The following SETMAR variants were observed in gnomAD, a reference collection of about 807,000 sequenced individuals.
SETMAR encodes SET and mariner transposase domain methyltransferase.
SETMAR carries 44 observed loss-of-function variants against 58.4 expected under a neutral mutation model. That is an observed-to-expected ratio of 0.75 (90% CI 0.59 to 0.97). The LOEUF (loss-of-function observed/expected upper bound fraction) is 0.97, where lower values mean the gene tolerates loss of function less well. SETMAR is among the 50% of genes least tolerant of loss of function. SETMAR has a pLI of 0.00. For missense variants in SETMAR, 903 were observed against 840.2 expected, an observed-to-expected ratio of 1.07 and a Z score of -0.92; for synonymous variants, 332 against 307.4, an observed-to-expected ratio of 1.08 and a Z score of -0.84.
At chr3:4,306,532 C>T (rs1009005102) in intron 1 of SETMAR, among the ~76,000 whole-genome samples, 6 of 152,166 alleles carry the variant, frequency 3.9e-5, no homozygotes, top group Non-Finnish European at 7.3e-5. Flanking sequence ...ATATGCACAG[C>T]TCCCAATAAA....
intron 1 of SETMAR, among the ~76,000 whole-genome samples, chr3:4,310,688 G>T (rs962173004): frequency 4.6e-5 from 7 of 152,040 alleles, no homozygotes; most frequent in African/African-American, 1.4e-4. Flanking sequence ...TTTTAAATTT[G>T]TAAGTAAAAA....
intron 1 of SETMAR, 52 bp downstream of exon 1, chr3:4,303,578 G>A (rs943994385): frequency 7.4e-7 from 1 of 1,346,810 alleles, no homozygotes; most frequent in Non-Finnish European, 9.5e-7. Context: ...TCCCCCACGT[G>A]GTCTCCTCAA....
At chr3:4,312,756 ATCTT>A (rs372515032) in intron 1 of SETMAR, 138 bp from the exon 2 acceptor site, 1 of 796,520 alleles carries the variant, frequency 1.3e-6, no homozygotes, top group South Asian at 4.2e-5. Flanking sequence ...TTTGGACAAT[ATCTT>A]AGTATGCTGT....
rs985551198 is a variant in SETMAR at position 4,316,688 on chromosome 3, GATTTTAT to G, written c.1500_1506del (p.Ile500MetfsTer41). On this transcript the variant is annotated frameshift_variant, in exon 3 of 3. Transcript: ENST00000358065. LOFTEE classifies it high-confidence loss of function. ...GGATTGTGACGTGTGATGAAAAGTGGATTTTATATGACAACCGGCGACGATCAGCTCA... is the reference window on the plus strand; with the variant it reads ...GGATTGTGACGTGTGATGAAAAGTGGATGACAACCGGCGACGATCAGCTCA... The G allele has an allele frequency of 1.3e-6, 2 of 1,551,000 alleles. No individual in the cohort carries two copies. The highest frequency in any genetic ancestry group is 3.9e-5 in the Admixed American group (2 of 50,954).
At chr3:4,303,549 C>G in intron 1 of SETMAR, 23 bp downstream of exon 1, 1 of 1,345,950 alleles carries the variant, frequency 7.4e-7, no homozygotes, top group Non-Finnish European at 9.5e-7. Context: ...CCAGGCGGCG[C>G]GGGAGGCGGG....
At chr3:4,306,207 T>C (rs1698183130) in intron 1 of SETMAR, among the ~76,000 whole-genome samples, 1 of 152,222 alleles carries the variant, frequency 6.6e-6, no homozygotes, top group African/African-American at 2.4e-5. Flanking sequence ...TATTTTTCTT[T>C]GCCATATCCA....
At chr3:4,310,761 G>T (rs968048783) in intron 1 of SETMAR, among the ~76,000 whole-genome samples, 1 of 151,944 alleles carries the variant, frequency 6.6e-6, no homozygotes. Context: ...GATTTTAAAA[G>T]AAGTTATCCA....
At chr3:4,311,262 C>T (rs1301285601) in intron 1 of SETMAR, among the ~76,000 whole-genome samples, 1 of 152,186 alleles carries the variant, frequency 6.6e-6, no homozygotes, top group African/African-American at 2.4e-5. Flanking sequence ...GAGGCCTCCA[C>T]AGGGAGTATA....
chr3:4,305,151 G>A (rs776286163), intron 1 of SETMAR, among the ~76,000 whole-genome samples: 34 of 151,980 alleles, frequency 2.2e-4, no homozygotes, highest in Non-Finnish European at 3.2e-4. Context: ...GTGGTGGTGC[G>A]ATCAGCTCAC....
intron 1 of SETMAR, among the ~76,000 whole-genome samples, chr3:4,309,613 TC>T (rs895301331): frequency 1.3e-5 from 2 of 152,188 alleles, no homozygotes; most frequent in African/African-American, 4.8e-5. Flanking sequence ...AGATACTTCT[TC>T]CCACCACCTT....
intron 2 of SETMAR, chr3:4,314,337 A>C (rs1698549709): frequency 1.3e-5 from 2 of 152,996 alleles, no homozygotes; most frequent in African/African-American, 4.8e-5. Context: ...TTGTGGCTGC[A>C]TACCTAAACC....
At chr3:4,315,809 G>A (rs1698614030) in intron 2 of SETMAR, among the ~76,000 whole-genome samples, 1 of 152,080 alleles carries the variant, frequency 6.6e-6, no homozygotes, top group Admixed American at 6.6e-5. Flanking sequence ...CACTTTGGGA[G>A]GCTGAGGCAG....
At chr3:4,307,567 CTTAAG>C (rs987285422) in intron 1 of SETMAR, among the ~76,000 whole-genome samples, 3 of 152,160 alleles carry the variant, frequency 2.0e-5, no homozygotes, top group African/African-American at 4.8e-5. Flanking sequence ...TGTATTTTCT[CTTAAG>C]TTTTCTGTCA....
intron 1 of SETMAR, 59 bp from the exon 2 acceptor site, chr3:4,312,839 G>T (rs1683557109): frequency 1.3e-6 from 2 of 1,521,876 alleles, no homozygotes; most frequent in African/African-American, 1.4e-5. Flanking sequence ...AAGCTACTTG[G>T]AATATATAGG....
chr3:4,306,155 C>T (rs938874221), intron 1 of SETMAR, among the ~76,000 whole-genome samples: 15 of 152,154 alleles, frequency 9.9e-5, no homozygotes, highest in Admixed American at 4.6e-4. Flanking sequence ...TGTGTGTGTG[C>T]GTTTGAGACT....
intron 2 of SETMAR, among the ~76,000 whole-genome samples, chr3:4,315,083 G>A (rs1698582426): frequency 6.6e-6 from 1 of 152,118 alleles, no homozygotes; most frequent in Non-Finnish European, 1.5e-5. Flanking sequence ...GGTTCCCTGT[G>A]AACAAATGGT....
chr3:4,303,408 G>A lies in SETMAR; in HGVS notation c.38G>A (p.Gly13Glu). ...GCGGCAAAGACGACACGGCCTTGTG[G>A]GATGGCGGAGTTTAAGGAGAAGCCT... ...AEAAKTTRPC[G>E]MAEFKEKPEA... Residue 13 changes from glycine to glutamate, a missense_variant, in exon 1 of 3, where the codon GGG (glycine) becomes GAG (glutamate). By Grantham distance (98) the Gly-to-Glu change is moderately conservative (BLOSUM62 -2). Coordinates refer to ENST00000358065, the MANE Select transcript of SETMAR (RefSeq NM_006515.4). The A allele has an allele frequency of 1.3e-6, 2 of 1,557,946 alleles. No individual in the cohort carries two copies. Among genetic ancestry groups the A allele is most frequent in the African/African-American group, 2.8e-5 (2 of 70,696 alleles).
intron 1 of SETMAR, among the ~76,000 whole-genome samples, chr3:4,308,110 A>T (rs919373877): frequency 5.3e-5 from 8 of 152,210 alleles, no homozygotes; most frequent in Non-Finnish European, 1.0e-4. Context: ...GCAGACAGTA[A>T]GGTAATACTT....
Position 4,316,930 on chromosome 3 carries a change from G to A in SETMAR, c.1739G>A (p.Arg580Lys). Residue 580 changes from arginine to lysine, a missense_variant, in exon 3 of 3, where the codon AGA (arginine) becomes AAA (lysine). Coordinates refer to ENST00000358065, the MANE Select transcript of SETMAR (RefSeq NM_006515.4). ...CGCCTGCAGCTGGCATTGGTCAACA[G>A]AAAGGGCCCAATTCTTCTCCACGAC... ...LQRLQLALVN[R>K]KGPILLHDNA... 6.5e-7 allele frequency: 1 copy of A among 1,549,390 alleles called. No homozygotes were observed. Among genetic ancestry groups the A allele is most frequent in the South Asian group, 1.2e-5 (1 of 83,954 alleles).
Sources: gnomAD v4.1 joint callset for allele counts (sites outside exome capture counted in the v4.1 genomes callset) on GRCh38, gnomAD v4.1.1 for gene constraint, MANE v1.5 for transcripts, NCBI Gene and HGNC (gene_info 2026-07-23, HGNC 2026-07-21) for gene names.